Variants in SLIT2 observed in about 807,000 individuals in gnomAD.
The protein encoded by SLIT2 is slit homolog 2 protein.
SLIT2 carries 41 observed loss-of-function variants against 185.7 expected under a neutral mutation model. The observed-to-expected ratio is 0.22, with a 90% confidence interval of 0.17 to 0.29. The LOEUF is 0.29. Among genes scored for constraint, SLIT2 ranks in the 10% least tolerant of loss-of-function variants. The probability of loss-of-function intolerance (pLI) is 1.00; values close to 1 mark genes in which losing one functional copy is unlikely to be tolerated. For missense variants in SLIT2, 1,571 were observed against 1,909.0 expected (o/e 0.82, Z 3.30); for synonymous variants, 693 against 680.2 (o/e 1.02, Z -0.29).
intron 4 of SLIT2, among the ~76,000 whole-genome samples, chr4:20,271,687 A>C (rs1447564282): frequency 6.6e-6 from 1 of 151,806 alleles, no homozygotes; most frequent in Non-Finnish European, 1.5e-5. Context: ...ATGTTTTCCC[A>C]GGTATATCAC....
chr4:20,383,252 G>A (rs1005777379), intron 4 of SLIT2, among the ~76,000 whole-genome samples: 9 of 152,074 alleles, frequency 5.9e-5, no homozygotes, highest in Non-Finnish European at 1.2e-4. Context: ...TTAAACATTC[G>A]TCCTCTCCAA....
chr4:20,409,831 A>AT (rs1344101430), intron 4 of SLIT2, among the ~76,000 whole-genome samples: 5 of 151,630 alleles, frequency 3.3e-5, no homozygotes, highest in African/African-American at 1.2e-4. Context: ...GTGACGTTGG[A>AT]TTTTTTTTCA....
intron 4 of SLIT2, among the ~76,000 whole-genome samples, chr4:20,299,434 C>T (rs781202829): frequency 1.2e-4 from 19 of 152,126 alleles, no homozygotes; most frequent in East Asian, 9.7e-4. Context: ...GTTTTGTCAA[C>T]GAGGAAAGAA....
intron 11 of SLIT2, among the ~76,000 whole-genome samples, chr4:20,518,412 C>T (rs1036330109): frequency 7.1e-5 from 10 of 140,726 alleles, no homozygotes; most frequent in African/African-American, 2.6e-4. Flanking sequence ...ACCACCATGC[C>T]TGGCTAATTT....
intron 3 of SLIT2, among the ~76,000 whole-genome samples, chr4:20,263,058 G>A (rs1429990333): frequency 1.3e-5 from 2 of 151,718 alleles, no homozygotes; most frequent in African/African-American, 2.4e-5. Context: ...AGTTTGCACT[G>A]TTACAATGTA....
chr4:20,273,076 C>A (rs1713796081), intron 4 of SLIT2, among the ~76,000 whole-genome samples: 1 of 151,986 alleles, frequency 6.6e-6, no homozygotes. Context: ...TTGGGACTTT[C>A]TTAAGAGGAA....
chr4:20,533,871 C>A (rs1347322033), intron 18 of SLIT2, among the ~76,000 whole-genome samples, 156 bp downstream of exon 18: 1 of 152,126 alleles, frequency 6.6e-6, no homozygotes, highest in African/African-American at 2.4e-5. Context: ...CCGCTACACA[C>A]ACACACATGT....
intron 4 of SLIT2, among the ~76,000 whole-genome samples, chr4:20,297,493 A>G (rs1716594778): frequency 6.6e-6 from 1 of 152,226 alleles, no homozygotes; most frequent in Non-Finnish European, 1.5e-5. Flanking sequence ...AAGTCATTCC[A>G]GATAAATGAG....
intron 14 of SLIT2, among the ~76,000 whole-genome samples, chr4:20,524,703 G>A (rs16869710): frequency 0.017 from 2,560 of 152,134 alleles, 38 homozygotes; most frequent in East Asian, 0.074. Context: ...GTGAGGATGC[G>A]TTTTTTCCAA....
chr4:20,480,927 A>G (rs954605955), intron 6 of SLIT2, 140 bp downstream of exon 6: 15 of 665,652 alleles, frequency 2.3e-5, no homozygotes, highest in African/African-American at 2.2e-4. Flanking sequence ...CATGGTGAAT[A>G]CAGAGAAGAG....
Position 20,519,013 on chromosome 4 carries a change from G to C in SLIT2, c.1059-369G>C, listed in dbSNP as rs557220883. Among the ~76,000 whole-genome samples the C allele has an allele frequency of 2.3e-3, 345 of 152,062 alleles. 2 individuals are homozygous for C. Among genetic ancestry groups the C allele is most frequent in the Non-Finnish European group, 2.8e-4 (19 of 67,986 alleles). On this transcript the variant is annotated intron_variant, in intron 11 of 36. Transcript: ENST00000504154. ...TGTCACTGTATACTCTTCTATACTT[G>C]ATTCTACACTTAGCATTCTTCTTTG...
rs1230713962 is a variant in SLIT2, at chr4:20,253,439, G to C, written c.-377G>C. ...GAGGACCGCCCTCCCCACAACAACCGGCCCCTGCATCTTAGCAGCCGTTGG... is the reference window on the plus strand; with the variant it reads ...GAGGACCGCCCTCCCCACAACAACCCGCCCCTGCATCTTAGCAGCCGTTGG... On this transcript the variant is annotated 5_prime_UTR_variant, in exon 1 of 37. Coordinates refer to ENST00000504154, the MANE Select transcript of SLIT2 (RefSeq NM_004787.4). The C allele has an allele frequency of 1.2e-5, 3 of 251,448 alleles. No individual in the cohort carries two copies. The highest frequency in any genetic ancestry group is 7.5e-5 in the South Asian group (1 of 13,328). 15.6% of individuals were successfully genotyped at this position (251,448 alleles called of 1,614,324 possible).
rs145158367 is a variant in SLIT2, at chr4:20,609,071, G to T, written c.3693-942G>T. ...TTTCTTCTTTGGTCCTGTTTCATTG[G>T]TCTGGTTTGCTTTTTTGCCTGCTGT... On this transcript the variant is annotated intron_variant, in intron 33 of 36. Coordinates refer to ENST00000504154, the MANE Select transcript of SLIT2 (RefSeq NM_004787.4). Among the ~76,000 whole-genome samples the T allele has an allele frequency of 4.0e-3, 611 of 152,198 alleles. 3 individuals carry two copies. Among genetic ancestry groups the T allele is most frequent in the Admixed American group, 7.3e-3 (112 of 15,294 alleles).
intron 4 of SLIT2, among the ~76,000 whole-genome samples, chr4:20,379,282 CTG>C (rs774031278): frequency 6.6e-6 from 1 of 151,934 alleles, no homozygotes; most frequent in Non-Finnish European, 1.5e-5. Context: ...TATGAGAACT[CTG>C]TAATGAACAT....
rs1721470105 is a variant in SLIT2, at chr4:20,528,221, C to T, written c.1463-728C>T. 7.5e-6 allele frequency: 4 copies of T among 532,812 alleles called. No homozygotes were observed. The highest frequency in any genetic ancestry group is 2.8e-5 in the South Asian group (2 of 71,204). The allele number at this position is 532,812 out of a possible 1,614,324, so 33.0% of individuals were successfully genotyped here. Reference sequence around the variant, plus strand: ...TTTCCAGAACGTCTGTAGCTTTTCTCCTCCTTCCCTCCATTTTCCTCTTGG... The same window carrying T: ...TTTCCAGAACGTCTGTAGCTTTTCTTCTCCTTCCCTCCATTTTCCTCTTGG... On this transcript the variant is annotated intron_variant, in intron 15 of 36. Transcript: ENST00000504154. This position sits in a 1 kb window ranked among gnomAD's most constrained non-coding sequence, Gnocchi z 4.2.
chr4:20,462,230 G>A (rs1400593864), intron 4 of SLIT2, among the ~76,000 whole-genome samples: 3 of 152,048 alleles, frequency 2.0e-5, no homozygotes, highest in Admixed American at 6.6e-5. Flanking sequence ...AGCCTTTCCA[G>A]CTCCCCTCAT....
At chr4:20,261,176 A>T (rs1442622109) in intron 3 of SLIT2, among the ~76,000 whole-genome samples, 1 of 151,772 alleles carries the variant, frequency 6.6e-6, no homozygotes, top group Non-Finnish European at 1.5e-5. Context: ...GATGAAAATG[A>T]AGCCTTCAGT....
At chr4:20,595,626 CT>C in intron 30 of SLIT2, 70 bp from the exon 31 acceptor site, 1 of 1,580,188 alleles carries the variant, frequency 6.3e-7, no homozygotes, top group East Asian at 2.2e-5. Context: ...GCCATTGTGT[CT>C]AGATAAAATG....
intron 9 of SLIT2, among the ~76,000 whole-genome samples, chr4:20,498,373 GC>G (rs1718422654): frequency 6.6e-6 from 1 of 152,170 alleles, no homozygotes; most frequent in Admixed American, 6.5e-5. Context: ...TTCAATAGTT[GC>G]AATGCCTCCT....
Sources: gnomAD v4.1 joint callset for allele counts (sites outside exome capture counted in the v4.1 genomes callset) on GRCh38, gnomAD v4.1.1 for gene constraint, Gnocchi (gnomAD v3.1) non-coding constraint, MANE v1.5 for transcripts, NCBI Gene and HGNC (gene_info 2026-07-23, HGNC 2026-07-21) for gene names.